Variants in SLC39A4 observed in about 807,000 individuals in gnomAD.
SLC39A4 encodes the protein zinc transporter ZIP4.
Under a neutral mutation model 56.6 loss-of-function variants are expected in SLC39A4, and 49 were observed. The observed-to-expected ratio is 0.87, with a 90% CI of 0.69 to 1.10. The LOEUF (loss-of-function observed/expected upper bound fraction) is 1.10, where lower values mean the gene tolerates loss of function less well. Ranked by LOEUF, SLC39A4 falls within the 50% of genes least tolerant of loss-of-function variation. The pLI is 0.00. For missense variants in SLC39A4, 993 were observed against 864.2 expected, an observed-to-expected ratio of 1.15 and a Z score of -1.87; for synonymous variants, 540 against 420.4, an observed-to-expected ratio of 1.28 and a Z score of -3.48.
chr8:144,412,993 C>A, intron 10 of SLC39A4, 47 bp from the exon 11 acceptor site: 1 of 1,543,292 alleles, frequency 6.5e-7, no homozygotes, highest in East Asian at 2.4e-5. Context: ...AGCTACATGC[C>A]CCGCCCACCT....
intron 7 of SLC39A4, 36 bp from the exon 8 acceptor site, chr8:144,413,917 C>A: frequency 6.2e-7 from 1 of 1,610,258 alleles, no homozygotes. Flanking sequence ...ACCAGGCCCC[C>A]AGCACACCCA....
rs1822018982 is a variant in SLC39A4 at position 144,413,822 on chromosome 8, A to C, written c.1347T>G (p.Gly449=). 6.3e-7 allele frequency: 1 copy of C among 1,585,372 alleles called. No individual in the cohort carries two copies. Among genetic ancestry groups the C allele is most frequent in the Non-Finnish European group, 8.5e-7 (1 of 1,170,370 alleles). Reference sequence around the variant, plus strand: ...CGCTGGGTGCCAGCTGCAGGGACACACCGTGGCTGTGGCCCCCGTGGCTAT... The same window carrying C: ...CGCTGGGTGCCAGCTGCAGGGACACCCCGTGGCTGTGGCCCCCGTGGCTAT... ...SSHSHGGHSH[G]VSLQLAPSEL... The change falls in exon 8 of 12, where the codon GGT becomes GGG. Residue 449 remains glycine (G), a synonymous_variant. Coordinates refer to ENST00000301305, the MANE Select transcript of SLC39A4 (RefSeq NM_130849.4).
chr8:144,413,689 G>A lies in SLC39A4; in HGVS notation c.1419+61C>T, dbSNP rs1822009033. 7 of 1,537,046 alleles carry A rather than the reference G, an allele frequency of 4.6e-6. No individual in the cohort carries two copies. The South Asian group carries it at 8.3e-5, about 18-fold the overall frequency. On this transcript the variant is annotated intron_variant, in intron 8 of 11. Coordinates refer to ENST00000301305, the MANE Select transcript of SLC39A4 (RefSeq NM_130849.4). Reference sequence around the variant, plus strand: ...GCCTGGGGTGGGGCTGGGAGTGTGGGCGTGGGAAGGGGTCGGTGGGAGGGG... The same window carrying A: ...GCCTGGGGTGGGGCTGGGAGTGTGGACGTGGGAAGGGGTCGGTGGGAGGGG...
Position 144,416,662 on chromosome 8 carries a change from G to C in SLC39A4, c.128C>G (p.Ala43Gly), listed in dbSNP as rs1822216747. 6.2e-7 allele frequency: 1 copy of C among 1,611,360 alleles called. No individual in the cohort carries two copies. The highest frequency in any genetic ancestry group is 8.5e-7 in the Non-Finnish European group (1 of 1,179,330). ...TSGQGALDQE[A>G]LGGLLNTLAD... ...CAGCGTATTTAACAGGCCGCCCAGAGCCTCTTGATCCAGAGCGCCCTGGCC... is the reference window on the plus strand; with the variant it reads ...CAGCGTATTTAACAGGCCGCCCAGACCCTCTTGATCCAGAGCGCCCTGGCC... The change falls in exon 1 of 12, where the codon GCT becomes GGT. Residue 43 changes from alanine (A) to glycine (G), a missense_variant. Physicochemically the swap from Ala to Gly is moderately conservative, Grantham distance 60. Transcript: ENST00000301305.
At position 144,416,059 on chromosome 8, in the gene SLC39A4, G is replaced by T. The variant is rs376105192; in HGVS notation, c.225C>A (p.Gly75=). The change falls in exon 2 of 12, where the codon GGC becomes GGA. Residue 75 remains glycine, a synonymous_variant. Coordinates refer to ENST00000301305, the MANE Select transcript of SLC39A4 (RefSeq NM_130849.4). ...CLSVEDALGL[G]EPEGSGLPPG... ...GGGGCAGCCCTGACCCCTCAGGCTC[G>T]CCCAGGCCCAGGGCGTCCTCCACAG... The T allele has an allele frequency of 1.1e-5, 17 of 1,590,144 alleles. No individual in the cohort carries two copies. The highest frequency in any genetic ancestry group is 1.5e-5 in the Non-Finnish European group (17 of 1,171,624).
At chr8:144,415,647 T>C (rs1335150314) in intron 2 of SLC39A4, among the ~76,000 whole-genome samples, 163 bp downstream of exon 2, 1 of 152,104 alleles carries the variant, frequency 6.6e-6, no homozygotes, top group Non-Finnish European at 1.5e-5. Flanking sequence ...GGCTCCCAAC[T>C]GCCCAGTAGT....
Position 144,412,444 on chromosome 8 carries a change from G to T in SLC39A4, c.*94C>A. ...GGACAAGAGTGTCTTTACTGGAGTTGGGACTGGGGCCTCTATAGGGGCTTC... is the reference window on the plus strand; with the variant it reads ...GGACAAGAGTGTCTTTACTGGAGTTTGGACTGGGGCCTCTATAGGGGCTTC... On this transcript the variant is annotated 3_prime_UTR_variant, in exon 12 of 12. Transcript: ENST00000301305. 1 of 1,595,932 alleles carries T rather than the reference G, an allele frequency of 6.3e-7. No individual in the cohort carries two copies. The highest frequency in any genetic ancestry group is 8.6e-7 in the Non-Finnish European group (1 of 1,165,194).
At position 144,416,152 on chromosome 8, in the gene SLC39A4, T is replaced by C. The variant is rs782673271; in HGVS notation, c.193-61A>G. On this transcript the variant is annotated intron_variant, in intron 1 of 11. Coordinates refer to ENST00000301305, the MANE Select transcript of SLC39A4 (RefSeq NM_130849.4). The stretch of plus-strand genomic sequence containing the variant: ...CCACCAGGGAGGGGAGAGGCAGGCC[T>C]GGCCAGGGGCTTCCCCGAGGGCCTG... 5.0e-6 allele frequency: 8 copies of C among 1,596,148 alleles called. No homozygotes were observed. The Admixed American group carries it at 1.2e-4, about 24-fold the overall frequency.
chr8:144,413,060 G>A (rs1244263708), intron 10 of SLC39A4, 114 bp from the exon 11 acceptor site: 5 of 844,870 alleles, frequency 5.9e-6, no homozygotes, highest in Non-Finnish European at 4.5e-6. Flanking sequence ...CGGTCTCCCC[G>A]CCCAGCCGTC....
Position 144,415,413 on chromosome 8 carries a change from C to A in SLC39A4, c.481G>T (p.Val161Leu). ...AAGQTPKMACVDIPQLLEEAV... is the reference protein window; with the variant it reads ...AAGQTPKMACLDIPQLLEEAV... ...TCCTCCAGCAGCTGAGGGATATCTA[C>A]GCAGGCCTGGGGAAGAGGGGGCCTC... Residue 161 changes from valine (V) to leucine (L), a missense_variant, in exon 3 of 12, where the codon GTA (valine) becomes TTA (leucine). Val to Leu is a conservative substitution (Grantham distance 32). Coordinates refer to ENST00000301305, the MANE Select transcript of SLC39A4 (RefSeq NM_130849.4). 1 of 1,601,776 alleles carries A rather than the reference C, an allele frequency of 6.2e-7. No individual in the cohort carries two copies.
rs1482440409 is a variant in SLC39A4, at chr8:144,415,015, G to A, written c.763C>T (p.Pro255Ser). 4.0e-5 allele frequency: 64 copies of A among 1,611,824 alleles called. No homozygotes were observed. Among genetic ancestry groups the A allele is most frequent in the Non-Finnish European group, 5.3e-5 (62 of 1,179,958 alleles). Reference sequence around the variant, plus strand: ...GAGCTGTTGCTGGAGCTGATGAGGGGCACAGGGTCCCGGCTGCTGGCTCCC... The same window carrying A: ...GAGCTGTTGCTGGAGCTGATGAGGGACACAGGGTCCCGGCTGCTGGCTCCC... ...HRGASSRDPV[P>S]LISSSNSSSV... Residue 255 changes from proline to serine, a missense_variant, in exon 4 of 12, where the codon CCC becomes TCC. Coordinates refer to ENST00000301305, the MANE Select transcript of SLC39A4 (RefSeq NM_130849.4).
At position 144,414,298 on chromosome 8, in the gene SLC39A4, T is replaced by G; in HGVS notation, c.1113A>C (p.Ala371=). 1.2e-6 allele frequency: 2 copies of G among 1,606,968 alleles called. No individual in the cohort carries two copies. Among genetic ancestry groups the G allele is most frequent in the Non-Finnish European group, 1.7e-6 (2 of 1,177,960 alleles). Residue 371 remains alanine, a synonymous_variant, in exon 6 of 12, where the codon GCA becomes GCC. Coordinates refer to ENST00000301305, the MANE Select transcript of SLC39A4 (RefSeq NM_130849.4). ...LQTFLSLAVG[A]VTGDAVLHLT... ...GATGCAGGACAGCGTCCCCAGTGAC[T>G]GCACCCACTGCCAGGCTCAGGAAGG...
In SLC39A4 at chr8:144,413,321, C is replaced by A. The variant is rs368695329; in HGVS notation, c.1543G>T (p.Val515Leu). ...CAGGAGGACGCGAAGGCGGCGCCCA[C>A]GGCCAGCCCGTCGGCGAAGTTGTGC... is the stretch of plus-strand genomic sequence containing the variant. Reference protein sequence around the residue: ...AVHNFADGLAVGAAFASSWKT... With the variant: ...AVHNFADGLALGAAFASSWKT... The change falls in exon 10 of 12, where the codon GTG becomes TTG. Residue 515 changes from valine to leucine, a missense_variant. Val to Leu is a conservative substitution (Grantham distance 32). Coordinates refer to ENST00000301305, the MANE Select transcript of SLC39A4 (RefSeq NM_130849.4). 3 of 1,604,734 alleles carry A rather than the reference C, an allele frequency of 1.9e-6. No individual in the cohort carries two copies.
At chr8:144,414,511 C>G (rs1822081122) in intron 5 of SLC39A4, 77 bp from the exon 6 acceptor site, 1 of 1,544,042 alleles carries the variant, frequency 6.5e-7, no homozygotes, top group Admixed American at 2.0e-5. Flanking sequence ...CTCACCAGAG[C>G]TGCAGGCCGT....
chr8:144,414,291 C>T lies in SLC39A4; in HGVS notation c.1120G>A (p.Gly374Arg), dbSNP rs121434289. The T allele has an allele frequency of 3.2e-5, 52 of 1,608,690 alleles. No individual in the cohort carries two copies. The highest frequency in any genetic ancestry group is 4.3e-5 in the Non-Finnish European group (51 of 1,178,654). Residue 374 changes from glycine (G) to arginine (R), a missense_variant, in exon 6 of 12, where the codon GGG (glycine) becomes AGG (arginine). Gly to Arg is a moderately radical substitution (Grantham distance 125). Transcript: ENST00000301305. Reference protein sequence around the residue: ...FLSLAVGAVTGDAVLHLTPKV... With the variant: ...FLSLAVGAVTRDAVLHLTPKV... ...GGCGTCAGATGCAGGACAGCGTCCC[C>T]AGTGACTGCACCCACTGCCAGGCTC...
chr8:144,414,422 C>A lies in SLC39A4; in HGVS notation c.989G>T (p.Gly330Val). ...QLSQSERYLY[G>V]SLATLLICLC... is the part of the protein sequence containing the mutation. The stretch of plus-strand genomic sequence containing the variant: ...GCAGATGAGCAGCGTGGCCAGGGAG[C>A]CGTACAGATACCCTGGGGGCGGGTG... The change falls in exon 6 of 12, where the codon GGC becomes GTC. Residue 330 changes from glycine (G) to valine (V), a missense_variant. Physicochemically the swap from Gly to Val is moderately radical, Grantham distance 109 (BLOSUM62 -3). Coordinates refer to ENST00000301305, the MANE Select transcript of SLC39A4 (RefSeq NM_130849.4). 1.3e-6 allele frequency: 2 copies of A among 1,559,010 alleles called. No individual in the cohort carries two copies. The highest frequency in any genetic ancestry group is 1.7e-6 in the Non-Finnish European group (2 of 1,151,734).
At position 144,415,178 on chromosome 8, in the gene SLC39A4, G is replaced by A. The variant is rs147727829; in HGVS notation, c.667+49C>T. 1.8e-3 allele frequency: 2,950 copies of A among 1,612,728 alleles called. 40 individuals carry two copies. The highest frequency in any genetic ancestry group is 0.017 in the African/African-American group (1,270 of 75,030). ...CGGCCCTGCCCCCCAGGGACGTGGA[G>A]GCTGGGGACTCGGGGGTGCCCCCCT... On this transcript the variant is annotated intron_variant, in intron 3 of 11. Coordinates refer to ENST00000301305, the MANE Select transcript of SLC39A4 (RefSeq NM_130849.4).
chr8:144,413,549 C>A lies in SLC39A4; in HGVS notation c.1438G>T (p.Glu480Ter), dbSNP rs1554872452. ...RADLVAEESP[E>*]LLNPEPRRLS... is the part of the protein sequence containing the mutation. ...CTCCTGGGCTCAGGGTTCAGCAGCTCCGGGCTCTCCTCCGCCACCTGGGAG... is the reference window on the plus strand; with the variant it reads ...CTCCTGGGCTCAGGGTTCAGCAGCTACGGGCTCTCCTCCGCCACCTGGGAG... The change falls in exon 9 of 12, where the codon GAG becomes TAG. Residue 480 changes from glutamate (E) to a stop codon, truncating the protein, a stop_gained. Transcript: ENST00000301305. LOFTEE classifies it high-confidence loss of function. The A allele has an allele frequency of 2.6e-6, 4 of 1,554,742 alleles. No individual in the cohort carries two copies. The East Asian group carries it at 9.7e-5, about 38-fold the overall frequency.
rs200347227 is a variant in SLC39A4 at position 144,414,705 on chromosome 8, A to G, written c.976+20T>C. The G allele has an allele frequency of 5.2e-4, 832 of 1,611,542 alleles. 1 individual carries two copies. The highest frequency in any genetic ancestry group is 6.5e-4 in the Non-Finnish European group (762 of 1,178,950). Reference sequence around the variant, plus strand: ...GCTCCACCTCTGTGCTGCCAGCACAATGTCGGCGTGGGCACTCACTCTCTG... The same window carrying G: ...GCTCCACCTCTGTGCTGCCAGCACAGTGTCGGCGTGGGCACTCACTCTCTG... On this transcript the variant is annotated intron_variant, in intron 5 of 11. Transcript: ENST00000301305.
Sources: allele counts gnomAD v4.1 joint callset (sites outside exome capture counted in the v4.1 genomes callset), GRCh38; gene constraint gnomAD v4.1.1; transcripts MANE v1.5; gene names NCBI Gene and HGNC (gene_info 2026-07-23, HGNC 2026-07-21).